MAGI1: variants seen among roughly 807,000 people sequenced by gnomAD.
MAGI1 encodes membrane-associated guanylate kinase, WW and PDZ domain-containing protein 1.
A neutral mutation model predicts 139.9 loss-of-function variants in MAGI1; 58 were observed. The ratio of observed to expected loss-of-function variants is 0.41; its 90% CI spans 0.34 to 0.52. The LOEUF is 0.52. Ranked by LOEUF, MAGI1 falls within the 20% of genes least tolerant of loss-of-function variation. The pLI is 0.12. For synonymous variants in MAGI1, 812 were observed against 737.9 expected, an observed-to-expected ratio of 1.10 and a Z score of -1.63; for missense variants, 1,874 against 1,901.6, an observed-to-expected ratio of 0.99 and a Z score of 0.27.
intron 12 of MAGI1, among the ~76,000 whole-genome samples, chr3:65,410,398 C>G (rs952119027): frequency 1.5e-4 from 23 of 152,218 alleles, no homozygotes; most frequent in African/African-American, 5.1e-4. Flanking sequence ...GCCAATGTCA[C>G]ACAGTCAGGT....
chr3:65,969,870 G>A (rs568624243), intron 1 of MAGI1, among the ~76,000 whole-genome samples: 31 of 152,080 alleles, frequency 2.0e-4, no homozygotes, highest in Non-Finnish European at 3.5e-4. Context: ...TGTAACCCTC[G>A]ACCACCTAAC....
intron 2 of MAGI1, among the ~76,000 whole-genome samples, chr3:65,520,312 G>C (rs1194793776): frequency 6.6e-6 from 1 of 152,244 alleles, no homozygotes; most frequent in Non-Finnish European, 1.5e-5. Context: ...GGAAAAGATA[G>C]TTCCTAATGC....
intron 1 of MAGI1, among the ~76,000 whole-genome samples, chr3:65,769,787 T>C (rs2037801512): frequency 1.3e-5 from 2 of 152,132 alleles, no homozygotes; most frequent in Admixed American, 1.3e-4. Context: ...CAGTGCCTGT[T>C]AAAAGCAAAA....
At chr3:66,029,124 G>A (rs1270479591) in intron 1 of MAGI1, among the ~76,000 whole-genome samples, 1 of 152,094 alleles carries the variant, frequency 6.6e-6, no homozygotes, top group Non-Finnish European at 1.5e-5. Context: ...AGAACACCCA[G>A]CTCATAAAGT....
At chr3:65,504,236 C>T (rs2107713387) in intron 2 of MAGI1, among the ~76,000 whole-genome samples, 1 of 152,258 alleles carries the variant, frequency 6.6e-6, no homozygotes, top group East Asian at 1.9e-4. Context: ...CTGACTATAT[C>T]ACAGAATGAT....
At chr3:65,907,633 T>C (rs893316581) in intron 1 of MAGI1, 2 of 152,224 alleles carry the variant, frequency 1.3e-5, no homozygotes, top group Non-Finnish European at 2.9e-5. Flanking sequence ...CTTTTTCAGG[T>C]TGAAGTCTTC....
At chr3:65,531,495 C>A (rs748325756) in intron 2 of MAGI1, among the ~76,000 whole-genome samples, 22 of 152,044 alleles carry the variant, frequency 1.4e-4, no homozygotes, top group Non-Finnish European at 3.1e-4. Flanking sequence ...AGTTATAACA[C>A]ACAATTATTA....
chr3:65,932,713 T>C (rs544064163), intron 1 of MAGI1, among the ~76,000 whole-genome samples: 1 of 151,894 alleles, frequency 6.6e-6, no homozygotes, highest in African/African-American at 2.4e-5. Flanking sequence ...TTCCACCTCG[T>C]AGATGGAAAA....
chr3:65,910,855 C>CTTTATTTTTTT (rs2061633740), intron 1 of MAGI1, among the ~76,000 whole-genome samples: 1 of 59,480 alleles, frequency 1.7e-5, no homozygotes, highest in African/African-American at 7.9e-5. Flanking sequence ...ACATGGTGGA[C>CTTTATTTTTTT]TTTTTTTTTT....
chr3:66,026,712 G>C (rs780206771), intron 1 of MAGI1, among the ~76,000 whole-genome samples: 1 of 152,014 alleles, frequency 6.6e-6, no homozygotes, highest in African/African-American at 2.4e-5. Flanking sequence ...GTGTTGGTGA[G>C]ACTGATCAGA....
chr3:65,496,388 C>T (rs1017728043), intron 2 of MAGI1, among the ~76,000 whole-genome samples: 3 of 152,022 alleles, frequency 2.0e-5, no homozygotes, highest in South Asian at 2.1e-4. Context: ...AACAAGTTTT[C>T]GGAGAGTAGG....
At chr3:65,504,617 C>G (rs188689662) in intron 2 of MAGI1, among the ~76,000 whole-genome samples, 5 of 152,132 alleles carry the variant, frequency 3.3e-5, no homozygotes, top group African/African-American at 1.2e-4. Flanking sequence ...GCTCTTCACC[C>G]AGGGTTGAAT....
At chr3:65,757,634 T>C (rs264093) in intron 1 of MAGI1, among the ~76,000 whole-genome samples, 81,606 of 151,970 alleles carry the variant, frequency 0.54, 22,522 homozygotes, top group Middle Eastern at 0.69. Context: ...CCAGACTTCA[T>C]CTCAATAAAT....
chr3:65,727,360 AATT>A (rs1396402024), intron 1 of MAGI1, among the ~76,000 whole-genome samples: 1 of 152,206 alleles, frequency 6.6e-6, no homozygotes, highest in Non-Finnish European at 1.5e-5. Context: ...GTTACAATCG[AATT>A]ATTATATATA....
chr3:65,458,126 G>C (rs1370632722), intron 5 of MAGI1, among the ~76,000 whole-genome samples: 1 of 152,086 alleles, frequency 6.6e-6, no homozygotes, highest in Admixed American at 6.5e-5. Context: ...CAAATGACTA[G>C]TTCTCATTCT....
chr3:65,700,131 G>A (rs762102759), intron 1 of MAGI1, among the ~76,000 whole-genome samples: 3 of 152,018 alleles, frequency 2.0e-5, no homozygotes, highest in Non-Finnish European at 4.4e-5. Flanking sequence ...CTTATAAGAT[G>A]GTTGAGATAG....
intron 1 of MAGI1, among the ~76,000 whole-genome samples, chr3:65,647,234 A>T (rs192796202): frequency 3.3e-5 from 5 of 152,304 alleles, no homozygotes; most frequent in Admixed American, 2.0e-4. Context: ...TATTATGAAC[A>T]AATCTACAAA....
chr3:65,547,476 A>G (rs929738198), intron 2 of MAGI1, among the ~76,000 whole-genome samples: 7 of 152,234 alleles, frequency 4.6e-5, no homozygotes, highest in Non-Finnish European at 1.0e-4. Flanking sequence ...TGTGGGATCC[A>G]TTATTCAACC....
intron 2 of MAGI1, among the ~76,000 whole-genome samples, chr3:65,517,707 G>A (rs1303216975): frequency 3.3e-5 from 5 of 152,064 alleles, no homozygotes; most frequent in African/African-American, 1.2e-4. Flanking sequence ...CACCTTCTCG[G>A]ACATCTGAGC....
Sources: allele counts gnomAD v4.1 joint callset (sites outside exome capture counted in the v4.1 genomes callset), GRCh38; gene constraint gnomAD v4.1.1; transcripts MANE v1.5; gene names NCBI Gene and HGNC (gene_info 2026-07-23, HGNC 2026-07-21).